Variants in CHD2 observed in about 807,000 individuals in gnomAD.
CHD2 encodes chromodomain helicase DNA binding protein 2, also known as ATP-dependent chromatin remodeler CHD2.
CHD2 carries 28 observed loss-of-function variants against 243.9 expected under a neutral mutation model. The ratio of observed to expected loss-of-function variants is 0.11; its 90% CI spans 0.09 to 0.16. The LOEUF (loss-of-function observed/expected upper bound fraction) is 0.16. Among genes scored for constraint, CHD2 ranks in the 10% least tolerant of loss-of-function variants. The pLI, the probability that CHD2 is intolerant of heterozygous loss-of-function variation, is 1.00. For missense variants in CHD2, 1,386 were observed against 2,209.8 expected (o/e 0.63, Z 7.47); for synonymous variants, 775 against 779.0 (o/e 0.99, Z 0.09).
intron 17 of CHD2, among the ~76,000 whole-genome samples, chr15:92,968,260 G>A (rs773665381): frequency 1.4e-4 from 21 of 152,104 alleles, no homozygotes; most frequent in Non-Finnish European, 2.4e-4. Context: ...GGTGGCTCAC[G>A]CCTATAATCC....
chr15:92,958,415 A>G (rs1007473104), intron 16 of CHD2, among the ~76,000 whole-genome samples: 10 of 152,142 alleles, frequency 6.6e-5, no homozygotes, highest in African/African-American at 2.2e-4. Flanking sequence ...TTTCTATTCA[A>G]ATGTTTTGGC....
intron 2 of CHD2, among the ~76,000 whole-genome samples, chr15:92,903,601 T>A (rs558147861): frequency 2.0e-4 from 30 of 152,258 alleles, no homozygotes; most frequent in South Asian, 8.3e-4. Flanking sequence ...AACATTTGAT[T>A]GATATTTGTA....
At chr15:92,935,587 A>G (rs776972617) in intron 5 of CHD2, among the ~76,000 whole-genome samples, 1 of 152,108 alleles carries the variant, frequency 6.6e-6, no homozygotes, top group Non-Finnish European at 1.5e-5. Flanking sequence ...TCCTTCAAGC[A>G]TGCTTCTACT....
intron 3 of CHD2, among the ~76,000 whole-genome samples, chr15:92,926,491 A>G (rs2053063868): frequency 6.6e-6 from 1 of 152,254 alleles, no homozygotes; most frequent in African/African-American, 2.4e-5. Flanking sequence ...CTGTTAAAAG[A>G]ATACAGAATA....
chr15:92,911,602 G>T (rs2052736485), intron 2 of CHD2, among the ~76,000 whole-genome samples: 1 of 152,038 alleles, frequency 6.6e-6, no homozygotes, highest in Admixed American at 6.6e-5. Flanking sequence ...GCTGGATGTG[G>T]TGGTGCACTC....
intron 13 of CHD2, among the ~76,000 whole-genome samples, chr15:92,952,492 C>G (rs1357901015): frequency 6.6e-6 from 1 of 152,156 alleles, no homozygotes; most frequent in African/African-American, 2.4e-5. Context: ...GAGACAGCAA[C>G]AGATCACCAG....
In CHD2 at chr15:93,000,574, G is replaced by A; in HGVS notation, c.4071G>A (p.Glu1357=). ...AAAACAAAGTGCCCAGGCTGAAAGAGGAGCATGGAATTGAGCTTTCATCTC... is the reference window on the plus strand; with the variant it reads ...AAAACAAAGTGCCCAGGCTGAAAGAAGAGCATGGAATTGAGCTTTCATCTC... ...KKENKVPRLK[E]EHGIELSSPR... The change falls in exon 32 of 39, where the codon GAG becomes GAA. Residue 1357 remains glutamate (E), a synonymous_variant. Coordinates refer to ENST00000394196, the MANE Select transcript of CHD2 (RefSeq NM_001271.4). 1 of 1,613,844 alleles carries A rather than the reference G, an allele frequency of 6.2e-7. No homozygotes were observed. Among genetic ancestry groups the A allele is most frequent in the Non-Finnish European group, 8.5e-7 (1 of 1,179,814 alleles).
intron 2 of CHD2, chr15:92,904,971 A>G (rs533592535): frequency 4.4e-4 from 679 of 1,535,970 alleles, no homozygotes; most frequent in Non-Finnish European, 5.5e-4. Context: ...TTGGTACCGT[A>G]CATTTTCTCA....
chr15:92,927,463 TC>T, intron 4 of CHD2, 133 bp downstream of exon 4: 1 of 598,540 alleles, frequency 1.7e-6, no homozygotes, highest in Non-Finnish European at 3.0e-6. Context: ...ATATGAGCTA[TC>T]TATGACCAGA....
At chr15:92,920,600 G>A (rs2052936283) in intron 2 of CHD2, among the ~76,000 whole-genome samples, 1 of 152,134 alleles carries the variant, frequency 6.6e-6, no homozygotes, top group Admixed American at 6.6e-5. Flanking sequence ...GCCTTTTGTG[G>A]GTCTCTAGTT....
At chr15:93,023,734 G>T (rs2054561105) in intron 38 of CHD2, among the ~76,000 whole-genome samples, 1 of 149,462 alleles carries the variant, frequency 6.7e-6, no homozygotes, top group African/African-American at 2.5e-5. Flanking sequence ...GTCTCATTGT[G>T]GCTTGAACAT....
rs1433438149 is a variant in CHD2, at chr15:92,974,953, AT to A, written c.2577+4del. On this transcript the variant is annotated splice_donor_region_variant and intron_variant, in intron 20 of 38. Transcript: ENST00000394196. ...ACTTCAATGCAGATGGGTCTGAGGTATACTATGCATGGCTTTGTTATTTGAG... is the reference window on the plus strand; with the variant it reads ...ACTTCAATGCAGATGGGTCTGAGGTAACTATGCATGGCTTTGTTATTTGAG... The A allele has an allele frequency of 3.7e-6, 6 of 1,612,842 alleles. No homozygotes were observed. Among genetic ancestry groups the A allele is most frequent in the Non-Finnish European group, 5.1e-6 (6 of 1,179,008 alleles).
chr15:92,937,910 C>T (rs1022308198), intron 6 of CHD2, among the ~76,000 whole-genome samples: 1 of 152,202 alleles, frequency 6.6e-6, no homozygotes, highest in African/African-American at 2.4e-5. Flanking sequence ...TTGTTTAAAA[C>T]ACTGTTTGCC....
chr15:92,925,910 ATGTTGTTGT>A (rs537198903), intron 3 of CHD2, among the ~76,000 whole-genome samples: 1 of 151,880 alleles, frequency 6.6e-6, no homozygotes. Flanking sequence ...CATCATTTTT[ATGTTGTTGT>A]TGTTGTTGTT....
chr15:92,963,859 A>G (rs575533224), intron 16 of CHD2, among the ~76,000 whole-genome samples: 1 of 152,362 alleles, frequency 6.6e-6, no homozygotes, highest in African/African-American at 2.4e-5. Flanking sequence ...CTACGTAGTA[A>G]GAGTTATGAG....
Position 92,955,419 on chromosome 15 carries a change from A to T in CHD2, c.1720-4A>T, listed in dbSNP as rs1383165744. ...TATGTCTTAATTATGTTTTTTTCTT[A>T]TAGATACGGGAATATGAATGGATTC... On this transcript the variant is annotated splice_polypyrimidine_tract_variant and splice_region_variant and intron_variant, in intron 14 of 38. Coordinates refer to ENST00000394196, the MANE Select transcript of CHD2 (RefSeq NM_001271.4). 6.5e-7 allele frequency: 1 copy of T among 1,547,912 alleles called. No homozygotes were observed.
At chr15:92,945,998 T>C in intron 11 of CHD2, 40 bp from the exon 12 acceptor site, 1 of 1,527,312 alleles carries the variant, frequency 6.5e-7, no homozygotes, top group South Asian at 1.3e-5. Context: ...CACTTTTAAT[T>C]GACAGTTGCT....
At chr15:92,987,163 T>C (rs1397801715) in intron 26 of CHD2, among the ~76,000 whole-genome samples, 1 of 152,228 alleles carries the variant, frequency 6.6e-6, no homozygotes, top group Non-Finnish European at 1.5e-5. Flanking sequence ...TATATATTTT[T>C]TATAATCGAT....
At chr15:92,935,279 G>T (rs896829893) in intron 5 of CHD2, among the ~76,000 whole-genome samples, 3 of 152,020 alleles carry the variant, frequency 2.0e-5, no homozygotes, top group Non-Finnish European at 4.4e-5. Flanking sequence ...CTCGTGATCC[G>T]CCCGCCTCGG....
Sources: allele counts gnomAD v4.1 joint callset (sites outside exome capture counted in the v4.1 genomes callset), GRCh38; gene constraint gnomAD v4.1.1; transcripts MANE v1.5; gene names NCBI Gene and HGNC (gene_info 2026-07-23, HGNC 2026-07-21).